ULK4: variants seen among roughly 807,000 people sequenced by gnomAD.
The protein encoded by ULK4 is inactive serine/threonine-protein kinase ULK4.
A neutral mutation model predicts 160.6 loss-of-function variants in ULK4; 133 were observed. That is an observed-to-expected ratio of 0.83 (90% confidence interval 0.72 to 0.96). ULK4 has a LOEUF of 0.96. Ranked by LOEUF, ULK4 falls within the 40% of genes least tolerant of loss-of-function variation. The probability of loss-of-function intolerance (pLI) is 0.00; values close to 1 mark genes in which losing one functional copy is unlikely to be tolerated. For synonymous variants in ULK4, 534 were observed against 539.8 expected (o/e 0.99, Z 0.15); for missense variants, 1,580 against 1,499.5 (o/e 1.05, Z -0.89).
chr3:41,780,052 A>G (rs961811888), intron 21 of ULK4, among the ~76,000 whole-genome samples: 1 of 151,360 alleles, frequency 6.6e-6, no homozygotes, highest in Non-Finnish European at 1.5e-5. Flanking sequence ...GCAATTTCCA[A>G]CACTTTGGAA....
intron 32 of ULK4, among the ~76,000 whole-genome samples, chr3:41,518,411 A>G (rs1273118120): frequency 6.6e-6 from 1 of 152,206 alleles, no homozygotes; most frequent in Non-Finnish European, 1.5e-5. Context: ...AGACATTTGC[A>G]ATCTAAGTCA....
At chr3:41,575,149 G>A (rs553328002) in intron 31 of ULK4, among the ~76,000 whole-genome samples, 2 of 152,330 alleles carry the variant, frequency 1.3e-5, no homozygotes, top group Admixed American at 1.3e-4. Flanking sequence ...GTGAGAAACA[G>A]GGAAGGGAAC....
chr3:41,582,879 G>C (rs2030484456), intron 31 of ULK4, among the ~76,000 whole-genome samples: 1 of 152,236 alleles, frequency 6.6e-6, no homozygotes, highest in South Asian at 2.1e-4. Context: ...GGGATAACTA[G>C]ATGCATTCTT....
intron 35 of ULK4, among the ~76,000 whole-genome samples, chr3:41,272,343 G>GTTT (rs3038324): frequency 8.1e-3 from 773 of 95,352 alleles, no homozygotes; most frequent in Non-Finnish European, 0.012. Context: ...AATTTTGAAA[G>GTTT]TTTTTTTTTT....
At chr3:41,647,379 T>C (rs912593474) in intron 30 of ULK4, among the ~76,000 whole-genome samples, 1 of 152,162 alleles carries the variant, frequency 6.6e-6, no homozygotes, top group South Asian at 2.1e-4. Flanking sequence ...TTGGTGTGGA[T>C]GTCCTTCCTG....
intron 30 of ULK4, among the ~76,000 whole-genome samples, chr3:41,648,338 G>C (rs1559460084): frequency 1.3e-5 from 2 of 152,036 alleles, no homozygotes. Flanking sequence ...CGGCCATCTT[G>C]GCTGCCCTCC....
chr3:41,450,457 T>G (rs1321175360), intron 34 of ULK4, among the ~76,000 whole-genome samples: 1 of 152,196 alleles, frequency 6.6e-6, no homozygotes, highest in South Asian at 2.1e-4. Context: ...ACAGTGTATA[T>G]TATAAATATA....
At chr3:41,443,616 T>C (rs924342000) in intron 34 of ULK4, among the ~76,000 whole-genome samples, 2 of 152,166 alleles carry the variant, frequency 1.3e-5, no homozygotes, top group African/African-American at 4.8e-5. Flanking sequence ...TGGACCATGT[T>C]GTTAAGGGGA....
intron 30 of ULK4, among the ~76,000 whole-genome samples, chr3:41,621,085 C>G (rs1160731698): frequency 6.6e-6 from 1 of 152,076 alleles, no homozygotes; most frequent in African/African-American, 2.4e-5. Context: ...TCAAGGAGAA[C>G]TACAAACCAC....
chr3:41,882,703 C>T (rs753305898), intron 17 of ULK4, among the ~76,000 whole-genome samples: 2 of 152,196 alleles, frequency 1.3e-5, no homozygotes, highest in Non-Finnish European at 2.9e-5. Flanking sequence ...TCCTGAGCAA[C>T]CAATGCCTGC....
chr3:41,674,129 A>G (rs986009292), intron 29 of ULK4, among the ~76,000 whole-genome samples: 19 of 152,254 alleles, frequency 1.2e-4, no homozygotes, highest in Non-Finnish European at 2.6e-4. Context: ...ATTTACACTC[A>G]TAAGAGTATT....
At chr3:41,337,147 A>G (rs2125746562) in intron 35 of ULK4, among the ~76,000 whole-genome samples, 1 of 152,310 alleles carries the variant, frequency 6.6e-6, no homozygotes, top group Non-Finnish European at 1.5e-5. Context: ...AGGTCTTATG[A>G]TTTAAGGTCC....
intron 30 of ULK4, among the ~76,000 whole-genome samples, chr3:41,634,970 T>C (rs751506942): frequency 6.6e-6 from 1 of 152,080 alleles, no homozygotes; most frequent in African/African-American, 2.4e-5. Flanking sequence ...AAAGAGTTAG[T>C]AGGAAAAATA....
intron 32 of ULK4, among the ~76,000 whole-genome samples, chr3:41,492,902 A>G (rs1357289986): frequency 6.9e-6 from 1 of 144,518 alleles, no homozygotes; most frequent in Non-Finnish European, 1.5e-5. Flanking sequence ...TATGCACCCA[A>G]TACAGGAGCA....
intron 35 of ULK4, among the ~76,000 whole-genome samples, chr3:41,292,496 A>T (rs1575402509): frequency 1.3e-5 from 2 of 152,170 alleles, no homozygotes; most frequent in South Asian, 4.1e-4. Flanking sequence ...AATACAAAAA[A>T]TTAGCTGGGT....
In ULK4 at chr3:41,868,237, C is replaced by T. The variant is rs865868008; in HGVS notation, c.1656+15637G>A. On this transcript the variant is annotated intron_variant, in intron 17 of 36. Coordinates refer to ENST00000301831, the MANE Select transcript of ULK4 (RefSeq NM_017886.4). The stretch of plus-strand genomic sequence containing the variant: ...CATTATCAAATTCTTTTAGTTCTGT[C>T]AATTTTTCTTTCATATATTTTAAAG... 2.6e-5 allele frequency among the ~76,000 whole-genome samples: 4 copies of T among 152,126 alleles called. 1 individual carries two copies. The Middle Eastern group carries it at 0.014, about 525-fold the overall frequency.
intron 32 of ULK4, among the ~76,000 whole-genome samples, chr3:41,494,043 A>G (rs1368589843): frequency 7.3e-6 from 1 of 137,768 alleles, no homozygotes; most frequent in Non-Finnish European, 1.6e-5. Context: ...TATTCCAATC[A>G]ATAGAAAAAG....
At chr3:41,395,595 C>T (rs574624726) in intron 35 of ULK4, among the ~76,000 whole-genome samples, 17 of 152,030 alleles carry the variant, frequency 1.1e-4, no homozygotes, top group African/African-American at 3.6e-4. Flanking sequence ...AACAGAAAGT[C>T]GAATGGTGGT....
rs1436383455 is a variant in ULK4, at chr3:41,691,938, CACTTCT to C, written c.2782-10140_2782-10135del. On this transcript the variant is annotated intron_variant, in intron 27 of 36. Coordinates refer to ENST00000301831, the MANE Select transcript of ULK4 (RefSeq NM_017886.4). The stretch of plus-strand genomic sequence containing the variant: ...GCCCTAAAAATTATCTTCATCAAAT[CACTTCT>C]TTTTTTTTTTTTTTTTTTTTTTTTT... Among the ~76,000 whole-genome samples the C allele has an allele frequency of 3.0e-4, 44 of 144,336 alleles. 1 individual carries two copies. The highest frequency in any genetic ancestry group is 1.1e-3 in the African/African-American group (43 of 38,436). 94.7% of individuals were successfully genotyped at this position (144,336 alleles called of 152,430 possible). A position where few individuals can be genotyped will look rare whatever the true frequency, so the allele number is the denominator to read the frequency against.
Sources: allele counts gnomAD v4.1 joint callset (sites outside exome capture counted in the v4.1 genomes callset), GRCh38; gene constraint gnomAD v4.1.1; transcripts MANE v1.5; gene names NCBI Gene and HGNC (gene_info 2026-07-23, HGNC 2026-07-21).